The following SMCHD1 variants were observed in gnomAD, a reference collection of about 807,000 sequenced individuals.
The protein encoded by SMCHD1 is structural maintenance of chromosomes flexible hinge domain containing 1, also known as structural maintenance of chromosomes flexible hinge domain-containing protein 1.
A neutral mutation model predicts 254.7 loss-of-function variants in SMCHD1; 78 were observed. The observed-to-expected ratio is 0.31, with a 90% confidence interval of 0.26 to 0.37. The LOEUF is 0.37. Ranked by LOEUF, SMCHD1 falls within the 10% of genes least tolerant of loss-of-function variation. The probability of loss-of-function intolerance (pLI) is 1.00; values close to 1 mark genes in which losing one functional copy is unlikely to be tolerated. For missense variants in SMCHD1, 1,840 were observed against 2,408.1 expected, an observed-to-expected ratio of 0.76 and a Z score of 4.94; for synonymous variants, 766 against 794.9, an observed-to-expected ratio of 0.96 and a Z score of 0.61.
In SMCHD1 at chr18:2,788,712, G is replaced by A. The variant is rs2076275755; in HGVS notation, c.5719+4091G>A. ...CCTCCCAGGTTCAAGTGATTCTTGT[G>A]CTTCAGCCTCCCAAGTGCTGGGATT... is the stretch of plus-strand genomic sequence containing the variant. On this transcript the variant is annotated intron_variant, in intron 45 of 47. Transcript: ENST00000320876. Among the ~76,000 whole-genome samples, 3 of 151,812 alleles carry A rather than the reference G, an allele frequency of 2.0e-5. No homozygotes were observed. The South Asian group carries it at 6.2e-4, about 31-fold the overall frequency.
chr18:2,687,012 A>G (rs2074066393), intron 5 of SMCHD1, among the ~76,000 whole-genome samples: 1 of 151,820 alleles, frequency 6.6e-6, no homozygotes, highest in African/African-American at 2.4e-5. Flanking sequence ...ATCTTCTCTG[A>G]TCTTCTTTGA....
chr18:2,738,485 G>A lies in SMCHD1; in HGVS notation c.3365G>A (p.Arg1122His), dbSNP rs1188737588. 2.5e-6 allele frequency: 4 copies of A among 1,612,606 alleles called. No homozygotes were observed. The highest frequency in any genetic ancestry group is 1.1e-5 in the South Asian group (1 of 90,962). ...GTACCAACATCTGTAAAAGATATGCGCTATTGCCAGGTTTCATTCCAAGAT... is the reference window on the plus strand; with the variant it reads ...GTACCAACATCTGTAAAAGATATGCACTATTGCCAGGTTTCATTCCAAGAT... ...VQVPTSVKDM[R>H]YCQVSFQDDH... Residue 1122 changes from arginine to histidine, a missense_variant, in exon 26 of 48, where the codon CGC (arginine) becomes CAC (histidine). Arg to His is a conservative substitution (Grantham distance 29). This residue lies in a region of SMCHD1 where 881 missense variants were observed against 1,009.5 expected (regional missense o/e 0.87). Transcript: ENST00000320876.
intron 17 of SMCHD1, among the ~76,000 whole-genome samples, chr18:2,708,907 T>TATATATATATATATAA (rs769432583): frequency 0.026 from 1,144 of 44,636 alleles, 280 homozygotes; most frequent in South Asian, 0.029. Flanking sequence ...TATATATATA[T>TATATATATATATATAA]AACATATTAA....
chr18:2,687,125 A>G (rs953903217), intron 5 of SMCHD1, among the ~76,000 whole-genome samples: 7 of 152,182 alleles, frequency 4.6e-5, no homozygotes, highest in African/African-American at 1.7e-4. Context: ...TCCTGAAATG[A>G]CACTTTTGTT....
intron 45 of SMCHD1, among the ~76,000 whole-genome samples, chr18:2,791,780 C>T (rs2076170947): frequency 6.6e-6 from 1 of 152,098 alleles, no homozygotes; most frequent in African/African-American, 2.4e-5. Flanking sequence ...CCAGGAAGGT[C>T]AAGACAACTA....
intron 22 of SMCHD1, among the ~76,000 whole-genome samples, chr18:2,727,760 TA>T (rs1000164626): frequency 1.3e-4 from 20 of 152,110 alleles, no homozygotes; most frequent in Non-Finnish European, 2.7e-4. Flanking sequence ...GAATAGTGCT[TA>T]AAAAAACTTA....
chr18:2,762,367 G>T, intron 36 of SMCHD1, 131 bp downstream of exon 36: 1 of 655,872 alleles, frequency 1.5e-6, no homozygotes. Context: ...TTGTGCAGAT[G>T]AATTAAATAT....
chr18:2,772,275 A>G lies in SMCHD1; in HGVS notation c.5078A>G (p.Lys1693Arg). The change falls in exon 41 of 48, where the codon AAA becomes AGA. Residue 1693 changes from lysine to arginine, a missense_variant. Transcript: ENST00000320876. ...QQVPHIEALL[K>R]RKLSEQEELK... Reference sequence around the variant, plus strand: ...GTGCCACACATTGAAGCACTTCTGAAAAGAAAGCTATCAGAACAAGAAGAA... The same window carrying G: ...GTGCCACACATTGAAGCACTTCTGAGAAGAAAGCTATCAGAACAAGAAGAA... 1 of 1,603,688 alleles carries G rather than the reference A, an allele frequency of 6.2e-7. No individual in the cohort carries two copies. Among genetic ancestry groups the G allele is most frequent in the Non-Finnish European group, 8.5e-7 (1 of 1,176,476 alleles).
chr18:2,662,180 AAAAT>A lies in SMCHD1; in HGVS notation c.187-3957_187-3954del, dbSNP rs1555624073. On this transcript the variant is annotated intron_variant, in intron 1 of 47. Transcript: ENST00000320876. The stretch of plus-strand genomic sequence containing the variant: ...GACTCCGTCTCAAAAAAAAAAAAAT[AAAAT>A]AAATAAATAAATAAATAAAGAAAGA... Among the ~76,000 whole-genome samples, 252 of 89,862 alleles carry A rather than the reference AAAAT, an allele frequency of 2.8e-3. 6 individuals are homozygous for A. The highest frequency in any genetic ancestry group is 8.5e-3 in the Admixed American group (73 of 8,636). The allele number at this position is 89,862 out of a possible 152,430, so 59.0% of individuals were successfully genotyped here. A position where few individuals can be genotyped will look rare whatever the true frequency, so the allele number is the denominator to read the frequency against.
At chr18:2,726,379 C>A in intron 21 of SMCHD1, 73 bp from the exon 22 acceptor site, 1 of 756,314 alleles carries the variant, frequency 1.3e-6, no homozygotes, top group Non-Finnish European at 2.1e-6. Context: ...AAATATAAAT[C>A]AGAATTGATG....
chr18:2,694,542 C>A lies in SMCHD1; in HGVS notation c.889C>A (p.His297Asn). Residue 297 changes from histidine (H) to asparagine (N), a missense_variant, in exon 8 of 48, where the codon CAC (histidine) becomes AAC (asparagine). This residue lies in a region of SMCHD1 where 498 missense variants were observed against 743.5 expected (regional missense o/e 0.67). Coordinates refer to ENST00000320876, the MANE Select transcript of SMCHD1 (RefSeq NM_015295.3). ...ACTCTTGTAGCCCTCTGATTCTGTTCACATTACAAATGATGATGAAAGATT... is the reference window on the plus strand; with the variant it reads ...ACTCTTGTAGCCCTCTGATTCTGTTAACATTACAAATGATGATGAAAGATT... The part of the protein sequence containing the change: ...IRNRKPSDSV[H>N]ITNDDERFLH... The A allele has an allele frequency of 6.3e-7, 1 of 1,589,480 alleles. No individual in the cohort carries two copies. The highest frequency in any genetic ancestry group is 1.1e-5 in the South Asian group (1 of 88,142).
At position 2,777,807 on chromosome 18, in the gene SMCHD1, T is replaced by A; in HGVS notation, c.5368T>A (p.Ser1790Thr). The A allele has an allele frequency of 6.6e-7, 1 of 1,508,214 alleles. No homozygotes were observed. The highest frequency in any genetic ancestry group is 1.3e-5 in the South Asian group (1 of 78,650). 93.4% of individuals were successfully genotyped at this position (1,508,214 alleles called of 1,614,324 possible). A position where few individuals can be genotyped will look rare whatever the true frequency, so the allele number is the denominator to read the frequency against. Residue 1790 changes from serine to threonine, a missense_variant and splice_region_variant, in exon 43 of 48, where the codon TCT (serine) becomes ACT (threonine). By Grantham distance (58) the Ser-to-Thr change is moderately conservative. Coordinates refer to ENST00000320876, the MANE Select transcript of SMCHD1 (RefSeq NM_015295.3). The stretch of plus-strand genomic sequence containing the variant: ...TTTTTAAAATTTCTTTTTATTTAGA[T>A]CTCTACCTCATTTCCGAAATGGAAA... ...YKKTLPDWKR[S>T]LPHFRNGKLY...
intron 3 of SMCHD1, 39 bp from the exon 4 acceptor site, chr18:2,673,242 G>A: frequency 6.5e-7 from 1 of 1,544,316 alleles, no homozygotes; most frequent in Non-Finnish European, 8.8e-7. Flanking sequence ...AAGTATGTGG[G>A]AGGGAAAAGT....
chr18:2,690,318 A>G (rs1598320391), intron 7 of SMCHD1, among the ~76,000 whole-genome samples: 1 of 152,222 alleles, frequency 6.6e-6, no homozygotes, highest in Non-Finnish European at 1.5e-5. Context: ...TGAATGTAAC[A>G]TAATTTCATG....
At chr18:2,689,929 T>C (rs764744600) in intron 7 of SMCHD1, among the ~76,000 whole-genome samples, 13 of 128,196 alleles carry the variant, frequency 1.0e-4, no homozygotes, top group Non-Finnish European at 1.8e-4. Flanking sequence ...CAGGCTGAGG[T>C]GGGAGGATCA....
intron 42 of SMCHD1, among the ~76,000 whole-genome samples, chr18:2,776,216 T>A (rs1314024861): frequency 1.3e-5 from 2 of 151,536 alleles, no homozygotes; most frequent in African/African-American, 4.9e-5. Context: ...AGACATAATA[T>A]TTTTTTTTAA....
chr18:2,699,619 C>T (rs993734322), intron 10 of SMCHD1, among the ~76,000 whole-genome samples: 9 of 152,206 alleles, frequency 5.9e-5, no homozygotes, highest in Admixed American at 1.3e-4. Flanking sequence ...GGATTACAGG[C>T]GTAAGCCCCT....
At chr18:2,783,806 C>T (rs1216836167) in intron 44 of SMCHD1, among the ~76,000 whole-genome samples, 3 of 152,026 alleles carry the variant, frequency 2.0e-5, no homozygotes, top group South Asian at 2.1e-4. Context: ...CTCCTGACCT[C>T]GTGATCTGCC....
At chr18:2,712,483 A>G (rs533116657) in intron 17 of SMCHD1, among the ~76,000 whole-genome samples, 48 of 152,314 alleles carry the variant, frequency 3.2e-4, no homozygotes, top group Non-Finnish European at 5.0e-4. Context: ...TTGTGAATCA[A>G]ATGCAGATTG....
Sources: allele counts gnomAD v4.1 joint callset (sites outside exome capture counted in the v4.1 genomes callset), GRCh38; gene constraint gnomAD v4.1.1; regional missense constraint gnomAD v4.1.1; transcripts MANE v1.5; gene names NCBI Gene and HGNC (gene_info 2026-07-23, HGNC 2026-07-21).